TRAF3IP1: variants seen among roughly 807,000 people sequenced by gnomAD.
TRAF3IP1 encodes the protein intraflagellar transport 54.
TRAF3IP1 carries 53 observed loss-of-function variants against 89.9 expected under a neutral mutation model. That is an observed-to-expected ratio of 0.59 (90% CI 0.47 to 0.74). The LOEUF (loss-of-function observed/expected upper bound fraction) is 0.74, where lower values mean the gene tolerates loss of function less well. Among genes scored for constraint, TRAF3IP1 ranks in the 30% least tolerant of loss-of-function variants. TRAF3IP1 has a pLI of 0.00. For synonymous variants in TRAF3IP1, 311 were observed against 322.1 expected (o/e 0.97, Z 0.37); for missense variants, 806 against 866.1 (o/e 0.93, Z 0.87).
Position 238,362,250 on chromosome 2 carries a change from AT to A in TRAF3IP1, c.1689+6182del, listed in dbSNP as rs113077038. Among the ~76,000 whole-genome samples the A allele has an allele frequency of 2.1e-3, 306 of 144,852 alleles. 3 individuals are homozygous for A. The highest frequency in any genetic ancestry group is 6.2e-3 in the African/African-American group (246 of 39,592). On this transcript the variant is annotated intron_variant, in intron 15 of 16. Transcript: ENST00000373327. ...TGTTATTAGCTGTCCTTTCAAACTA[AT>A]TTTTTTTTTTTACTAAGTCAGCTTC... is the stretch of plus-strand genomic sequence containing the variant.
chr2:238,342,915 T>A (rs1157402490), intron 8 of TRAF3IP1, among the ~76,000 whole-genome samples: 2 of 152,234 alleles, frequency 1.3e-5, no homozygotes, highest in East Asian at 3.8e-4. Context: ...GTAAGCTGTT[T>A]TGAATAGTTT....
At chr2:238,382,893 C>A (rs899082362) in intron 15 of TRAF3IP1, among the ~76,000 whole-genome samples, 21 of 151,838 alleles carry the variant, frequency 1.4e-4, no homozygotes, top group African/African-American at 4.8e-4. Context: ...TCTCTCTCCC[C>A]CAAGTTGGAA....
intron 12 of TRAF3IP1, 146 bp downstream of exon 12, chr2:238,349,554 C>T: frequency 1.3e-6 from 1 of 745,984 alleles, no homozygotes; most frequent in African/African-American, 1.7e-5. Context: ...AGGCCCTCGC[C>T]TCACACCATA....
intron 15 of TRAF3IP1, among the ~76,000 whole-genome samples, chr2:238,389,201 CT>C (rs1700897751): frequency 6.6e-6 from 1 of 152,096 alleles, no homozygotes; most frequent in Non-Finnish European, 1.5e-5. Flanking sequence ...AGAGGGACTT[CT>C]GGCAGCATTA....
At chr2:238,382,485 TTTATATAGCAGC>T (rs1222789070) in intron 15 of TRAF3IP1, among the ~76,000 whole-genome samples, 6 of 152,194 alleles carry the variant, frequency 3.9e-5, no homozygotes, top group African/African-American at 1.4e-4. Context: ...ACAGAAGAAC[TTTATATAGCAGC>T]TTAAGTTGTC....
intron 15 of TRAF3IP1, among the ~76,000 whole-genome samples, chr2:238,369,771 T>C (rs545901109): frequency 1.1e-4 from 17 of 152,338 alleles, no homozygotes; most frequent in African/African-American, 4.1e-4. Flanking sequence ...ACTAGCATTT[T>C]GGAGGAAGTA....
chr2:238,374,344 C>T (rs1435723095), intron 15 of TRAF3IP1, among the ~76,000 whole-genome samples: 1 of 152,170 alleles, frequency 6.6e-6, no homozygotes, highest in African/African-American at 2.4e-5. Context: ...GCATGAAGGG[C>T]TGTCGAGTTT....
At position 238,398,821 on chromosome 2, in the gene TRAF3IP1, C is replaced by T; in HGVS notation, c.1978C>T (p.Gln660Ter). The T allele has an allele frequency of 6.2e-7, 1 of 1,613,388 alleles. No homozygotes were observed. Among genetic ancestry groups the T allele is most frequent in the South Asian group, 1.1e-5 (1 of 90,972 alleles). Residue 660 changes from glutamine (Q) to a stop codon, truncating the protein, a stop_gained, in exon 17 of 17, where the codon CAG (glutamine) becomes TAG (stop). Transcript: ENST00000373327. LOFTEE classifies it high-confidence loss of function. Reference protein sequence around the residue: ...LAELEQLIKDQQDKICAVKAN... With the variant: ...LAELEQLIKD Reference sequence around the variant, plus strand: ...GGAGCTGGAGCAGCTGATCAAAGACCAGCAAGACAAGATCTGTGCTGTGAA... The same window carrying T: ...GGAGCTGGAGCAGCTGATCAAAGACTAGCAAGACAAGATCTGTGCTGTGAA...
intron 15 of TRAF3IP1, among the ~76,000 whole-genome samples, chr2:238,372,423 T>C (rs985386831): frequency 6.6e-6 from 1 of 152,176 alleles, no homozygotes; most frequent in African/African-American, 2.4e-5. Flanking sequence ...GAATGATGGT[T>C]TCCAGCTTCA....
At chr2:238,393,014 A>G (rs1197665895) in intron 15 of TRAF3IP1, among the ~76,000 whole-genome samples, 1 of 152,250 alleles carries the variant, frequency 6.6e-6, no homozygotes, top group African/African-American at 2.4e-5. Flanking sequence ...ATGCATTTGT[A>G]TACAGGTTTT....
Position 238,397,698 on chromosome 2 carries a change from G to A in TRAF3IP1, c.1910+19G>A, listed in dbSNP as rs1701297163. The A allele has an allele frequency of 1.3e-6, 2 of 1,540,264 alleles. No individual in the cohort carries two copies. Among genetic ancestry groups the A allele is most frequent in the East Asian group, 2.3e-5 (1 of 43,766 alleles). ...AGCAGAGGTGGGGGGTAGTAATGGG[G>A]AGGGGGCCCTGCAGCAGGAGCAGAG... On this transcript the variant is annotated intron_variant, in intron 16 of 16. Transcript: ENST00000373327.
At chr2:238,374,957 T>C (rs1017619286) in intron 15 of TRAF3IP1, among the ~76,000 whole-genome samples, 1 of 152,244 alleles carries the variant, frequency 6.6e-6, no homozygotes, top group Non-Finnish European at 1.5e-5. Context: ...TTTGTATTTC[T>C]GTGGGATTGC....
intron 15 of TRAF3IP1, among the ~76,000 whole-genome samples, chr2:238,371,094 T>TA (rs762167396): frequency 6.6e-6 from 1 of 152,250 alleles, no homozygotes; most frequent in African/African-American, 2.4e-5. Flanking sequence ...GAACGAAGTT[T>TA]ACTAGCTTTC....
intron 8 of TRAF3IP1, among the ~76,000 whole-genome samples, chr2:238,339,126 T>A (rs996134365): frequency 9.2e-5 from 14 of 152,258 alleles, no homozygotes; most frequent in African/African-American, 3.4e-4. Flanking sequence ...TTACACGTTC[T>A]GGAGCGTAGC....
intron 15 of TRAF3IP1, among the ~76,000 whole-genome samples, chr2:238,395,085 G>T (rs920566357): frequency 6.6e-6 from 1 of 152,296 alleles, no homozygotes; most frequent in East Asian, 1.9e-4. Context: ...AAACAGTGTT[G>T]CAGGGCATGA....
chr2:238,349,342 G>C lies in TRAF3IP1; in HGVS notation c.1385G>C (p.Gly462Ala), dbSNP rs1288139080. The C allele has an allele frequency of 6.2e-7, 1 of 1,613,976 alleles. No homozygotes were observed. The highest frequency in any genetic ancestry group is 8.5e-7 in the Non-Finnish European group (1 of 1,180,018). ...SSNIRRIPRP[G>A]SARPAPPRVK... is the part of the protein sequence containing the mutation. ...GGGTTTAGAAGAATTCCTCGGCCTG[G>C]GAGTGCAAGACCAGCCCCTCCCCGG... is the stretch of plus-strand genomic sequence containing the variant. Residue 462 changes from glycine to alanine, a missense_variant, in exon 12 of 17, where the codon GGG becomes GCG. By Grantham distance (60) the Gly-to-Ala change is moderately conservative. Around this residue, in one of 3 missense-constraint regions of TRAF3IP1, gnomAD observed 732 missense variants for 780.5 expected, o/e 0.94. Coordinates refer to ENST00000373327, the MANE Select transcript of TRAF3IP1 (RefSeq NM_015650.4).
Position 238,347,681 on chromosome 2 carries a change from G to A in TRAF3IP1, c.1282+206G>A, listed in dbSNP as rs533286777. 9.2e-5 allele frequency among the ~76,000 whole-genome samples: 14 copies of A among 152,238 alleles called. No homozygotes were observed. The East Asian group carries it at 2.1e-3, about 23-fold the overall frequency. The stretch of plus-strand genomic sequence containing the variant: ...TCACTCTTGTTGCCCAGGCTGGAGT[G>A]CAATGGCATGATCTCGGTTCACCGC... On this transcript the variant is annotated intron_variant, in intron 10 of 16. Transcript: ENST00000373327.
At chr2:238,397,355 G>A in intron 15 of TRAF3IP1, 104 bp from the exon 16 acceptor site, 1 of 946,530 alleles carries the variant, frequency 1.1e-6, no homozygotes, top group Non-Finnish European at 1.7e-6. Context: ...GTCTCTGCCT[G>A]CGCCTTTCCT....
At chr2:238,348,171 T>C (rs1019396566) in intron 10 of TRAF3IP1, among the ~76,000 whole-genome samples, 2 of 151,486 alleles carry the variant, frequency 1.3e-5, no homozygotes, top group African/African-American at 4.9e-5. Flanking sequence ...ATAAACATAA[T>C]ATGGTATACC....
Sources: gnomAD v4.1 joint callset for allele counts (sites outside exome capture counted in the v4.1 genomes callset) on GRCh38, gnomAD v4.1.1 for gene constraint, gnomAD v4.1.1 regional missense constraint, MANE v1.5 for transcripts, NCBI Gene and HGNC (gene_info 2026-07-23, HGNC 2026-07-21) for gene names.